Variants in ITPRID2 observed in about 807,000 individuals in gnomAD.
ITPRID2 encodes ITPR interacting domain containing 2, also known as protein ITPRID2.
Under a neutral mutation model 124.3 loss-of-function variants are expected in ITPRID2, and 60 were observed. That is an observed-to-expected ratio of 0.48 (90% CI 0.39 to 0.60). ITPRID2 has a LOEUF of 0.60. Among genes scored for constraint, ITPRID2 ranks in the 20% least tolerant of loss-of-function variants. ITPRID2 has a pLI of 0.00. For synonymous variants in ITPRID2, 521 were observed against 542.9 expected (o/e 0.96, Z 0.56); for missense variants, 1,553 against 1,512.2 (o/e 1.03, Z -0.45).
chr2:181,898,153 T>C (rs1692362266), intron 4 of ITPRID2, among the ~76,000 whole-genome samples: 1 of 152,058 alleles, frequency 6.6e-6, no homozygotes, highest in Non-Finnish European at 1.5e-5. Flanking sequence ...TGCTGTGAGT[T>C]AGGCACCTTT....
At chr2:181,927,505 C>T (rs1171717163) in intron 16 of ITPRID2, among the ~76,000 whole-genome samples, 1 of 152,128 alleles carries the variant, frequency 6.6e-6, no homozygotes, top group East Asian at 1.9e-4. Flanking sequence ...TGTATATCCT[C>T]ATATCCTATA....
Position 181,902,314 on chromosome 2 carries a change from T to G in ITPRID2, c.1261T>G (p.Phe421Val). The change falls in exon 8 of 18, where the codon TTC becomes GTC. Residue 421 changes from phenylalanine to valine, a missense_variant. Transcript: ENST00000431877. This position sits in a 1 kb window ranked among gnomAD's most constrained non-coding sequence, Gnocchi z 4.4. ...TGTAGAATCCAAATTAGATAGTGAT[T>G]TCAACATATCCAGCCACAGTGAGCT... Reference protein sequence around the residue: ...GIVESKLDSDFNISSHSELEN... With the variant: ...GIVESKLDSDVNISSHSELEN... 1 of 1,613,926 alleles carries G rather than the reference T, an allele frequency of 6.2e-7. No homozygotes were observed. The highest frequency in any genetic ancestry group is 8.5e-7 in the Non-Finnish European group (1 of 1,179,902).
At chr2:181,917,454 T>C (rs1192045548) in intron 11 of ITPRID2, 1 of 152,250 alleles carries the variant, frequency 6.6e-6, no homozygotes, top group Non-Finnish European at 1.5e-5. Context: ...TTACAAAATA[T>C]AGTTCTGTCT....
chr2:181,918,690 AC>A lies in ITPRID2; in HGVS notation c.2865+16del. On this transcript the variant is annotated intron_variant, in intron 12 of 17. Transcript: ENST00000431877. ...CTCTTTATGAAGTAAGTTCTTTCTTACATCTTTGTGTTCCAAAATAATTTGT... is the reference window on the plus strand; with the variant it reads ...CTCTTTATGAAGTAAGTTCTTTCTTAATCTTTGTGTTCCAAAATAATTTGT... 4 of 1,613,824 alleles carry A rather than the reference AC, an allele frequency of 2.5e-6. No homozygotes were observed.
Position 181,892,796 on chromosome 2 carries a change from A to G in ITPRID2, c.257+136A>G. ...CAAACCGGAAAGTGAGCCGGCGGAT[A>G]GCTTCCTCCTCTAAGCGATTAGAAA... On this transcript the variant is annotated intron_variant, in intron 2 of 17. Coordinates refer to ENST00000431877, the MANE Select transcript of ITPRID2 (RefSeq NM_001130445.3). The surrounding 1 kb of genome is among the most constrained non-coding windows in gnomAD (Gnocchi z 5.2). The G allele has an allele frequency of 1.1e-6, 1 of 946,568 alleles. No homozygotes were observed. The highest frequency in any genetic ancestry group is 1.6e-6 in the Non-Finnish European group (1 of 608,458). 58.6% of individuals were successfully genotyped at this position (946,568 alleles called of 1,614,324 possible).
rs1476196166 is a variant in ITPRID2, at chr2:181,919,126, A to G, written c.2994-170A>G. 6.6e-6 allele frequency among the ~76,000 whole-genome samples: 1 copy of G among 152,222 alleles called. No individual in the cohort carries two copies. Among genetic ancestry groups the G allele is most frequent in the Non-Finnish European group, 1.5e-5 (1 of 68,038 alleles). On this transcript the variant is annotated intron_variant, in intron 13 of 17. Coordinates refer to ENST00000431877, the MANE Select transcript of ITPRID2 (RefSeq NM_001130445.3). The surrounding 1 kb of genome is among the most constrained non-coding windows in gnomAD (Gnocchi z 4.2). Reference sequence around the variant, plus strand: ...GAGATATTTGTGAGAGGATAGGGGAAGAAAGACTAATGTCCTTGTGGATAC... The same window carrying G: ...GAGATATTTGTGAGAGGATAGGGGAGGAAAGACTAATGTCCTTGTGGATAC...
rs962956296 is a variant in ITPRID2, at chr2:181,915,795, G to A, written c.2155G>A (p.Asp719Asn). The A allele has an allele frequency of 6.2e-7, 1 of 1,614,126 alleles. No homozygotes were observed. Among genetic ancestry groups the A allele is most frequent in the Admixed American group, 1.7e-5 (1 of 60,020 alleles). ...RMGRSLLKSK[D>N]LLKQRYLFAK... The stretch of plus-strand genomic sequence containing the variant: ...GGGGCGTAGCCTGCTAAAATCAAAA[G>A]ATTTGTTAAAACAAAGGTACTTATT... The change falls in exon 11 of 18, where the codon GAT becomes AAT. Residue 719 changes from aspartate to asparagine, a missense_variant. By Grantham distance (23) the Asp-to-Asn change is conservative. Coordinates refer to ENST00000431877, the MANE Select transcript of ITPRID2 (RefSeq NM_001130445.3).
intron 17 of ITPRID2, among the ~76,000 whole-genome samples, chr2:181,928,778 A>T (rs1478226659): frequency 1.3e-5 from 2 of 152,080 alleles, no homozygotes; most frequent in Non-Finnish European, 2.9e-5. Context: ...GGCGCCAGCC[A>T]CTACGCCCGG....
At chr2:181,913,781 C>T (rs1418649641) in intron 9 of ITPRID2, 64 bp from the exon 10 acceptor site, 38 of 1,205,462 alleles carry the variant, frequency 3.2e-5, no homozygotes, top group Non-Finnish European at 4.5e-5. Context: ...TCAGTAATTT[C>T]TTATAGCCAC....
rs1015754307 is a variant in ITPRID2 at position 181,929,751 on chromosome 2, T to C, written c.*204T>C. ...AACTTAGGCACTTTGCTATTTCTTT[T>C]CTAAACTATCAAAAACTCTAGCAGT... On this transcript the variant is annotated 3_prime_UTR_variant, in exon 18 of 18. Transcript: ENST00000431877. 5.3e-6 allele frequency: 4 copies of C among 749,468 alleles called. No homozygotes were observed. The Admixed American group carries it at 1.2e-4, about 22-fold the overall frequency. 46.4% of individuals were successfully genotyped at this position (749,468 alleles called of 1,614,324 possible).
intron 16 of ITPRID2, 107 bp downstream of exon 16, chr2:181,922,519 A>G (rs574643477): frequency 4.8e-5 from 53 of 1,098,424 alleles, no homozygotes; most frequent in Non-Finnish European, 3.4e-5. Context: ...ACTGTATTCA[A>G]TAATTTTCAC....
At chr2:181,909,827 A>T in intron 8 of ITPRID2, 72 bp from the exon 9 acceptor site, 3 of 1,110,010 alleles carry the variant, frequency 2.7e-6, no homozygotes, top group Non-Finnish European at 2.7e-6. Flanking sequence ...TGTTTAATAG[A>T]TATTTATTCA....
chr2:181,916,647 A>G, intron 11 of ITPRID2: 1 of 741,874 alleles, frequency 1.3e-6, no homozygotes, highest in South Asian at 2.8e-5. Context: ...TCTGCTCACA[A>G]GTCTGTCTCC....
At chr2:181,900,471 T>C (rs1558983089) in intron 6 of ITPRID2, among the ~76,000 whole-genome samples, 1 of 152,192 alleles carries the variant, frequency 6.6e-6, no homozygotes, top group Non-Finnish European at 1.5e-5. Context: ...GTTAGCTCTT[T>C]TCTGCAACTC....
rs760899439 is a variant in ITPRID2, at chr2:181,928,192, G to A, written c.3707G>A (p.Arg1236Gln). The A allele has an allele frequency of 1.9e-5, 30 of 1,549,884 alleles. No homozygotes were observed. The highest frequency in any genetic ancestry group is 9.6e-5 in the African/African-American group (7 of 72,974). ...GAGTCTATTGTTGGGGAAATCAGAC[G>A]GGAAATTGTAAGTGGACTTTTGGCA... ...IKESIVGEIR[R>Q]EIVSGLLAAV... Residue 1236 changes from arginine (R) to glutamine (Q), a missense_variant, in exon 17 of 18, where the codon CGG becomes CAG. Physicochemically the swap from Arg to Gln is conservative, Grantham distance 43. Transcript: ENST00000431877.
chr2:181,897,593 G>T (rs1276727269), intron 4 of ITPRID2, among the ~76,000 whole-genome samples: 2 of 151,742 alleles, frequency 1.3e-5, no homozygotes, highest in South Asian at 4.1e-4. Context: ...CAAAAAATAA[G>T]AATTTTTAAT....
chr2:181,926,727 AAAAG>A (rs1405790229), intron 16 of ITPRID2, among the ~76,000 whole-genome samples: 1 of 151,782 alleles, frequency 6.6e-6, no homozygotes, highest in African/African-American at 2.4e-5. Context: ...AAAAAAAAAA[AAAAG>A]AGAATACATT....
intron 2 of ITPRID2, among the ~76,000 whole-genome samples, chr2:181,894,931 A>G (rs1018442553): frequency 6.6e-6 from 1 of 152,140 alleles, no homozygotes. Flanking sequence ...CATCCAAGAA[A>G]GTAGCCATCA....
At chr2:181,899,392 A>G (rs1442106172) in intron 6 of ITPRID2, among the ~76,000 whole-genome samples, 3 of 152,252 alleles carry the variant, frequency 2.0e-5, no homozygotes, top group South Asian at 4.1e-4. Context: ...GAGGAACTCC[A>G]TAGCGGAGTA....
Sources: allele counts gnomAD v4.1 joint callset (sites outside exome capture counted in the v4.1 genomes callset), GRCh38; gene constraint gnomAD v4.1.1; non-coding constraint Gnocchi (gnomAD v3.1); transcripts MANE v1.5; gene names NCBI Gene and HGNC (gene_info 2026-07-23, HGNC 2026-07-21).